Variants in ADAMTS7 observed in about 807,000 individuals in gnomAD.
The protein encoded by ADAMTS7 is ADAM metallopeptidase with thrombospondin type 1 motif 7.
In ADAMTS7, 89 loss-of-function variants were observed where a neutral mutation model predicts 172.6. That is an observed-to-expected ratio of 0.52 (90% CI 0.43 to 0.61). The LOEUF is 0.61. ADAMTS7 is among the 20% of genes least tolerant of loss of function. The pLI is 0.00. For synonymous variants in ADAMTS7, 885 were observed against 978.4 expected (o/e 0.90, Z 1.78); for missense variants, 1,973 against 2,355.6 (o/e 0.84, Z 3.36).
chr15:78,774,696 C>G lies in ADAMTS7; in HGVS notation c.1804G>C (p.Val602Leu). Residue 602 changes from valine to leucine, a missense_variant, in exon 12 of 24, where the codon GTC (valine) becomes CTC (leucine). This residue lies in a region of ADAMTS7 where 526 missense variants were observed against 662.9 expected (regional missense o/e 0.79). Coordinates refer to ENST00000388820, the MANE Select transcript of ADAMTS7 (RefSeq NM_014272.5). ...ATAGCGTCAAAGTGGCTGCACTGGA[C>G]GTGGCGGAAGGAGGGGCGGCCAGCA... is the stretch of plus-strand genomic sequence containing the variant. Reference protein sequence around the residue: ...CPAGRPSFRHVQCSHFDAMLY... With the variant: ...CPAGRPSFRHLQCSHFDAMLY... 1 of 1,611,676 alleles carries G rather than the reference C, an allele frequency of 6.2e-7. No homozygotes were observed. The highest frequency in any genetic ancestry group is 1.1e-5 in the South Asian group (1 of 90,996).
In ADAMTS7 at chr15:78,764,076, A is replaced by G; in HGVS notation, c.4443T>C (p.Gly1481=). The part of the protein sequence containing the change: ...WSKCSRSCGG[G]SSVRDVQCVD... ...CACACTGCACGTCCCGCACTGAGGA[A>G]CCTCCGCCGCAGCTGCGGGAGCACT... The change falls in exon 21 of 24, where the codon GGT becomes GGC. Residue 1481 remains glycine (G), a synonymous_variant. Coordinates refer to ENST00000388820, the MANE Select transcript of ADAMTS7 (RefSeq NM_014272.5). The G allele has an allele frequency of 6.5e-7, 1 of 1,528,068 alleles. No individual in the cohort carries two copies. The allele number at this position is 1,528,068 out of a possible 1,614,324, so 94.7% of individuals were successfully genotyped here.
intron 2 of ADAMTS7, 104 bp downstream of exon 2, chr15:78,800,088 T>C (rs1427530223): frequency 3.4e-5 from 35 of 1,028,216 alleles, no homozygotes; most frequent in Non-Finnish European, 3.9e-5. Flanking sequence ...AGAGAAAAAG[T>C]GCACTGGGCA....
chr15:78,802,662 C>A (rs746337202), intron 1 of ADAMTS7, among the ~76,000 whole-genome samples: 2 of 152,030 alleles, frequency 1.3e-5, no homozygotes, highest in African/African-American at 2.4e-5. Flanking sequence ...TGCCACAAAC[C>A]CCTTCTCCTC....
chr15:78,759,452 G>C lies in ADAMTS7; in HGVS notation c.5030C>G (p.Ser1677Cys). ...GCGGGCAACCCGCTGATGGCCTCGG[G>C]AGGGGGCGCCGTGGCTGGGCGGAGA... ...SCSPPSHGAP[S>C]RGHQRVARR Residue 1677 changes from serine (S) to cysteine (C), a missense_variant, in exon 24 of 24, where the codon TCC becomes TGC. By Grantham distance (112) the Ser-to-Cys change is moderately radical (BLOSUM62 -1). This residue lies in a region of ADAMTS7 where 94 missense variants were observed against 95.4 expected (regional missense o/e 0.99). Coordinates refer to ENST00000388820, the MANE Select transcript of ADAMTS7 (RefSeq NM_014272.5). The C allele has an allele frequency of 6.3e-7, 1 of 1,596,424 alleles. No homozygotes were observed. Among genetic ancestry groups the C allele is most frequent in the Non-Finnish European group, 8.5e-7 (1 of 1,177,142 alleles).
Position 78,776,312 on chromosome 15 carries a change from C to T in ADAMTS7, c.1582G>A (p.Val528Ile), listed in dbSNP as rs369435444. ...ENKWCLSGEC[V>I]PVGFRPEAVD... ...GCCTCGGGCCGGAAGCCCACGGGTA[C>T]GCACTCCCCACTGAGACACCACTAC... is the stretch of plus-strand genomic sequence containing the variant. Residue 528 changes from valine (V) to isoleucine (I), a missense_variant, in exon 11 of 24, where the codon GTA becomes ATA. Physicochemically the swap from Val to Ile is conservative, Grantham distance 29. Coordinates refer to ENST00000388820, the MANE Select transcript of ADAMTS7 (RefSeq NM_014272.5). 18 of 1,611,692 alleles carry T rather than the reference C, an allele frequency of 1.1e-5. No homozygotes were observed. The highest frequency in any genetic ancestry group is 4.5e-5 in the East Asian group (2 of 44,888).
rs1281116603 is a variant in ADAMTS7 at position 78,765,858 on chromosome 15, G to A, written c.4053C>T (p.Ala1351=). ...GCTGACCCTTGGGTCCTGGGTTCAG[G>A]GCAGGCTCAGGCATGTGCCCGAGGC... ...LTGLGHMPEP[A]LNPGPKGQPE... The change falls in exon 19 of 24, where the codon GCC becomes GCT. Residue 1351 remains alanine, a synonymous_variant. Coordinates refer to ENST00000388820, the MANE Select transcript of ADAMTS7 (RefSeq NM_014272.5). The A allele has an allele frequency of 2.0e-5, 31 of 1,570,096 alleles. No homozygotes were observed. The highest frequency in any genetic ancestry group is 2.6e-5 in the Non-Finnish European group (30 of 1,158,088).
At chr15:78,768,663 C>G (rs2055199493) in intron 16 of ADAMTS7, among the ~76,000 whole-genome samples, 5 of 152,230 alleles carry the variant, frequency 3.3e-5, no homozygotes, top group Admixed American at 3.3e-4. Flanking sequence ...CTTGCATGTG[C>G]AGGCTCAGCC....
In ADAMTS7 at chr15:78,800,294, G is replaced by T; in HGVS notation, c.354C>A (p.Arg118=). 1 of 1,590,742 alleles carries T rather than the reference G, an allele frequency of 6.3e-7. No homozygotes were observed. Among genetic ancestry groups the T allele is most frequent in the Middle Eastern group, 2.3e-4 (1 of 4,404 alleles). The change falls in exon 2 of 24, where the codon CGC becomes CGA. Residue 118 remains arginine (R), a synonymous_variant. Transcript: ENST00000388820. ...SETRRRGGLG[R]AHIRAHTPAC... Reference sequence around the variant, plus strand: ...CCGGGGTGTGGGCCCGGATGTGCGCGCGGCCCAGGCCGCCGCGCCGCCGCG... The same window carrying T: ...CCGGGGTGTGGGCCCGGATGTGCGCTCGGCCCAGGCCGCCGCGCCGCCGCG...
At chr15:78,790,931 G>T in intron 5 of ADAMTS7, 137 bp from the exon 6 acceptor site, 2 of 1,396,282 alleles carry the variant, frequency 1.4e-6, no homozygotes, top group Non-Finnish European at 9.8e-7. Context: ...CGAGCTTCCA[G>T]CCTGACCATC....
At chr15:78,806,955 T>C (rs1352169712) in intron 1 of ADAMTS7, among the ~76,000 whole-genome samples, 1 of 151,970 alleles carries the variant, frequency 6.6e-6, no homozygotes, top group Non-Finnish European at 1.5e-5. Context: ...TTAGTAGAGG[T>C]AGAGTTTCGC....
rs527737193 is a variant in ADAMTS7 at position 78,766,815 on chromosome 15, G to A, written c.3096C>T (p.Pro1032=). ...TGGTGCCTGGCTTGGGTGATGAGGC[G>A]GGTGAAGGGCGTGGGGCCAGGTGGT... ...IPHHLAPRPS[P]ASSPKPGTMG... The change falls in exon 19 of 24, where the codon CCC becomes CCT. Residue 1032 remains proline (P), a synonymous_variant. Coordinates refer to ENST00000388820, the MANE Select transcript of ADAMTS7 (RefSeq NM_014272.5). 7.1e-4 allele frequency: 1,139 copies of A among 1,610,274 alleles called. 14 individuals are homozygous for A. The South Asian group carries it at 0.011, about 16-fold the overall frequency.
chr15:78,764,257 C>T (rs2055102495), intron 20 of ADAMTS7, among the ~76,000 whole-genome samples, 158 bp from the exon 21 acceptor site: 1 of 152,230 alleles, frequency 6.6e-6, no homozygotes, highest in African/African-American at 2.4e-5. Flanking sequence ...AGGCCCCAGG[C>T]AAAAGGTGGC....
chr15:78,764,104 G>T lies in ADAMTS7; in HGVS notation c.4420-5C>A. 1.3e-6 allele frequency: 2 copies of T among 1,523,390 alleles called. No individual in the cohort carries two copies. Among genetic ancestry groups the T allele is most frequent in the African/African-American group, 1.4e-5 (1 of 72,626 alleles). 94.4% of individuals were successfully genotyped at this position (1,523,390 alleles called of 1,614,324 possible). On this transcript the variant is annotated splice_polypyrimidine_tract_variant and splice_region_variant and intron_variant, in intron 20 of 23. Coordinates refer to ENST00000388820, the MANE Select transcript of ADAMTS7 (RefSeq NM_014272.5). ...TCCGCCGCAGCTGCGGGAGCACTGG[G>T]GACCGAGAGACGTGTATGGACACAT...
intron 4 of ADAMTS7, among the ~76,000 whole-genome samples, chr15:78,794,709 TTTTTTGTTTTTG>T (rs917754674): frequency 2.3e-4 from 35 of 152,210 alleles, no homozygotes; most frequent in Admixed American, 3.3e-4. Flanking sequence ...GGGCAGGTCT[TTTTTTGTTTTTG>T]TTTTTGTTTT....
At chr15:78,795,666 C>T (rs1371657262) in intron 4 of ADAMTS7, among the ~76,000 whole-genome samples, 1 of 152,182 alleles carries the variant, frequency 6.6e-6, no homozygotes, top group Admixed American at 6.5e-5. Flanking sequence ...CACGCACTTA[C>T]CTTGCCCCCA....
chr15:78,763,427 G>A (rs1341145810), intron 22 of ADAMTS7, among the ~76,000 whole-genome samples: 2 of 152,264 alleles, frequency 1.3e-5, no homozygotes, highest in South Asian at 2.1e-4. Context: ...ATGTCCCTTC[G>A]ATCCCTGTCC....
At chr15:78,768,095 TGGGGTG>T in intron 17 of ADAMTS7, 32 bp downstream of exon 17, 2 of 622,724 alleles carry the variant, frequency 3.2e-6, no homozygotes, top group Non-Finnish European at 4.3e-6. Flanking sequence ...TGGCGGGGGA[TGGGGTG>T]GGGAGTTGGC....
intron 1 of ADAMTS7, among the ~76,000 whole-genome samples, chr15:78,800,990 C>G (rs2055717231): frequency 6.6e-6 from 1 of 152,158 alleles, no homozygotes; most frequent in African/African-American, 2.4e-5. Context: ...ATACGCTCGC[C>G]TCGGCCTCCC....
At chr15:78,810,904 CAG>C (rs1555433893) in intron 1 of ADAMTS7, 3 of 422,654 alleles carry the variant, frequency 7.1e-6, no homozygotes, top group Non-Finnish European at 1.2e-5. Flanking sequence ...GTAACTGAAT[CAG>C]GGGCCGAGGA....
Sources: gnomAD v4.1 joint callset for allele counts (sites outside exome capture counted in the v4.1 genomes callset) on GRCh38, gnomAD v4.1.1 for gene constraint, gnomAD v4.1.1 regional missense constraint, MANE v1.5 for transcripts, NCBI Gene and HGNC (gene_info 2026-07-23, HGNC 2026-07-21) for gene names.